The following TRMT9B variants were observed in gnomAD, a reference collection of about 807,000 sequenced individuals.
TRMT9B encodes tRNA methyltransferase 9B (putative).
A neutral mutation model predicts 11.5 loss-of-function variants in TRMT9B; 16 were observed. The ratio of observed to expected loss-of-function variants is 1.39; its 90% CI spans 0.94 to 2.11. TRMT9B has a LOEUF of 2.11. Ranked by LOEUF, TRMT9B falls within the 30% of genes most tolerant of loss-of-function variation. The pLI is 0.00. For synonymous variants in TRMT9B, 274 were observed against 192.4 expected (o/e 1.42, Z -3.51); for missense variants, 941 against 553.8 (o/e 1.70, Z -7.02).
At position 13,000,096 on chromosome 8, in the gene TRMT9B, T is replaced by A. The variant is rs527369097; in HGVS notation, c.-1-6106T>A. Among the ~76,000 whole-genome samples the A allele has an allele frequency of 3.3e-5, 5 of 152,260 alleles. No homozygotes were observed. In the East Asian group the frequency reaches 9.7e-4, roughly 29 times the overall value. On this transcript the variant is annotated intron_variant, in intron 2 of 4. Coordinates refer to ENST00000524591, the MANE Select transcript of TRMT9B (RefSeq NM_020844.3). ...TTAGAATACCCATGATATCTCTCCA[T>A]CAAGAGTTCTGAGGGACCCAGGCTG... is the stretch of plus-strand genomic sequence containing the variant.
At chr8:13,009,364 G>C (rs1303239616) in intron 3 of TRMT9B, among the ~76,000 whole-genome samples, 4 of 152,044 alleles carry the variant, frequency 2.6e-5, no homozygotes, top group Admixed American at 6.6e-5. Flanking sequence ...CTATCAACAA[G>C]TCACAAGAAA....
chr8:12,995,976 G>A (rs1808264653), intron 2 of TRMT9B, among the ~76,000 whole-genome samples: 1 of 152,098 alleles, frequency 6.6e-6, no homozygotes, highest in East Asian at 1.9e-4. Flanking sequence ...ATAAGGTACT[G>A]AAATAACTGA....
intron 2 of TRMT9B, among the ~76,000 whole-genome samples, chr8:13,005,262 G>A (rs1252296572): frequency 6.6e-6 from 1 of 152,148 alleles, no homozygotes; most frequent in Non-Finnish European, 1.5e-5. Context: ...TGGTTATAGA[G>A]AGTAGAAGGA....
Position 12,990,963 on chromosome 8 carries a change from C to G in TRMT9B, c.-70C>G, listed in dbSNP as rs990388571. 4.7e-6 allele frequency: 6 copies of G among 1,288,624 alleles called. No individual in the cohort carries two copies. In the East Asian group the frequency reaches 1.7e-4, roughly 36 times the overall value. 79.8% of individuals were successfully genotyped at this position (1,288,624 alleles called of 1,614,324 possible). On this transcript the variant is annotated 5_prime_UTR_variant, in exon 2 of 5. Transcript: ENST00000524591. ...AGTTATGAGAAGCAACTGTCACTCTCTGGAGGTGGAGACTGCCGTGATTCA... is the reference window on the plus strand; with the variant it reads ...AGTTATGAGAAGCAACTGTCACTCTGTGGAGGTGGAGACTGCCGTGATTCA...
At chr8:12,985,209 C>A (rs911025063) in intron 1 of TRMT9B, among the ~76,000 whole-genome samples, 1 of 152,186 alleles carries the variant, frequency 6.6e-6, no homozygotes, top group Non-Finnish European at 1.5e-5. Flanking sequence ...TCGGGGGTAA[C>A]TTTCTAGTCC....
Position 13,023,548 on chromosome 8 carries a change from A to G in TRMT9B, c.*1504A>G, listed in dbSNP as rs375024706. The G allele has an allele frequency of 2.4e-4, 40 of 167,206 alleles. No individual in the cohort carries two copies. Among genetic ancestry groups the G allele is most frequent in the African/African-American group, 8.9e-4 (37 of 41,564 alleles). 10.4% of individuals were successfully genotyped at this position (167,206 alleles called of 1,614,324 possible). ...GGGTCTCTTTAAATCTATGTCATGG[A>G]TCCTGAGACACAAATATAATTAAGA... On this transcript the variant is annotated 3_prime_UTR_variant, in exon 5 of 5. Coordinates refer to ENST00000524591, the MANE Select transcript of TRMT9B (RefSeq NM_020844.3).
intron 1 of TRMT9B, among the ~76,000 whole-genome samples, chr8:12,969,347 T>C (rs1803262523): frequency 6.6e-6 from 1 of 152,208 alleles, no homozygotes; most frequent in Non-Finnish European, 1.5e-5. Flanking sequence ...CCTATGTTTC[T>C]GTATTGTGTA....
rs930709559 is a variant in TRMT9B at position 13,028,210 on chromosome 8, A to G, written c.*6166A>G. 6 of 167,136 alleles carry G rather than the reference A, an allele frequency of 3.6e-5. No homozygotes were observed. The highest frequency in any genetic ancestry group is 6.5e-5 in the Admixed American group (1 of 15,286). 10.4% of individuals were successfully genotyped at this position (167,136 alleles called of 1,614,324 possible). On this transcript the variant is annotated 3_prime_UTR_variant, in exon 5 of 5. Transcript: ENST00000524591. Reference sequence around the variant, plus strand: ...GTCTTCCCCAGTTGATTATACACAGATAATCAATGACTTTATTTGGGAGGG... The same window carrying G: ...GTCTTCCCCAGTTGATTATACACAGGTAATCAATGACTTTATTTGGGAGGG...
intron 1 of TRMT9B, among the ~76,000 whole-genome samples, chr8:12,981,576 T>C (rs35469725): frequency 0.026 from 4,004 of 152,078 alleles, 73 homozygotes; most frequent in South Asian, 0.085. Context: ...TATTTTTGCT[T>C]TCCTTTCTTT....
chr8:12,992,855 C>A (rs1479380437), intron 2 of TRMT9B, among the ~76,000 whole-genome samples: 1 of 152,060 alleles, frequency 6.6e-6, no homozygotes, highest in Non-Finnish European at 1.5e-5. Flanking sequence ...GGAGACAGAG[C>A]AAGACTCCAT....
At chr8:13,010,458 C>G (rs919026286) in intron 3 of TRMT9B, 1 of 984,946 alleles carries the variant, frequency 1.0e-6, no homozygotes, top group Middle Eastern at 5.2e-4. Flanking sequence ...TAGCTAAAGT[C>G]ATCAGCTGTT....
In TRMT9B at chr8:13,021,960, T is replaced by A. The variant is rs1346457240; in HGVS notation, c.1281T>A (p.Asn427Lys). ...AGCTCTGCAGTCTGCTCAAGGAGAATGTGTCAGAGCTCCGTATCCTGAGTT... is the reference window on the plus strand; with the variant it reads ...AGCTCTGCAGTCTGCTCAAGGAGAAAGTGTCAGAGCTCCGTATCCTGAGTT... ...EGELCSLLKE[N>K]VSELRILSSG... The change falls in exon 5 of 5, where the codon AAT becomes AAA. Residue 427 changes from asparagine (N) to lysine (K), a missense_variant. Transcript: ENST00000524591. 1 of 1,613,548 alleles carries A rather than the reference T, an allele frequency of 6.2e-7. No homozygotes were observed. The highest frequency in any genetic ancestry group is 2.2e-5 in the East Asian group (1 of 44,880).
intron 1 of TRMT9B, among the ~76,000 whole-genome samples, chr8:12,988,425 C>T (rs1806714837): frequency 6.6e-6 from 1 of 151,986 alleles, no homozygotes; most frequent in South Asian, 2.1e-4. Flanking sequence ...AGTATTAGTC[C>T]ATTCTCAGGC....
chr8:13,019,092 A>T (rs1199952469), intron 4 of TRMT9B, among the ~76,000 whole-genome samples: 1 of 152,062 alleles, frequency 6.6e-6, no homozygotes, highest in Admixed American at 6.6e-5. Context: ...TGGAGTATTG[A>T]TTTGGGGGAT....
intron 1 of TRMT9B, among the ~76,000 whole-genome samples, chr8:12,973,513 A>T (rs751980203): frequency 4.6e-5 from 7 of 152,214 alleles, no homozygotes; most frequent in Non-Finnish European, 1.0e-4. Context: ...CTTGGGAAGT[A>T]ACTGCTACTT....
At chr8:13,003,357 T>G (rs1417276324) in intron 2 of TRMT9B, among the ~76,000 whole-genome samples, 2 of 152,174 alleles carry the variant, frequency 1.3e-5, no homozygotes, top group African/African-American at 2.4e-5. Context: ...ATTACAGGGT[T>G]AAGCCCAAAA....
At chr8:12,976,480 C>G (rs1585165521) in intron 1 of TRMT9B, among the ~76,000 whole-genome samples, 1 of 151,648 alleles carries the variant, frequency 6.6e-6, no homozygotes, top group African/African-American at 2.4e-5. Flanking sequence ...TGGCTCGTGC[C>G]TATAATCTCA....
chr8:12,956,731 C>T (rs1251747792), intron 1 of TRMT9B, among the ~76,000 whole-genome samples: 1 of 152,144 alleles, frequency 6.6e-6, no homozygotes, highest in Admixed American at 6.5e-5. Context: ...TTTCAGCATG[C>T]TCATTTTAAG....
In TRMT9B at chr8:12,969,248, G is replaced by A. The variant is rs543954698; in HGVS notation, c.-199-21586G>A. Among the ~76,000 whole-genome samples, 3 of 152,072 alleles carry A rather than the reference G, an allele frequency of 2.0e-5. No individual in the cohort carries two copies. In the East Asian group the frequency reaches 5.8e-4, roughly 29 times the overall value. ...CAAACAAAATACTGAAAGGCCCACCGTCTCTTCATTACACAGGTTTCCATC... is the reference window on the plus strand; with the variant it reads ...CAAACAAAATACTGAAAGGCCCACCATCTCTTCATTACACAGGTTTCCATC... On this transcript the variant is annotated intron_variant, in intron 1 of 4. Transcript: ENST00000524591.
Sources: gnomAD v4.1 joint callset for allele counts (sites outside exome capture counted in the v4.1 genomes callset) on GRCh38, gnomAD v4.1.1 for gene constraint, MANE v1.5 for transcripts, NCBI Gene and HGNC (gene_info 2026-07-23, HGNC 2026-07-21) for gene names.